Variants in DGLUCY observed in about 807,000 individuals in gnomAD.
The protein encoded by DGLUCY is D-glutamate cyclase, mitochondrial.
A neutral mutation model predicts 58.5 loss-of-function variants in DGLUCY; 58 were observed. That is an observed-to-expected ratio of 0.99 (90% confidence interval 0.80 to 1.23). The LOEUF (loss-of-function observed/expected upper bound fraction) is 1.23, where lower values mean the gene tolerates loss of function less well. Among genes scored for constraint, DGLUCY ranks in the 50% most tolerant of loss-of-function variants. The pLI is 0.00. For missense variants in DGLUCY, 779 were observed against 784.7 expected (o/e 0.99, Z 0.09); for synonymous variants, 325 against 314.1 (o/e 1.03, Z -0.37).
intron 1 of DGLUCY, among the ~76,000 whole-genome samples, chr14:91,095,095 C>G (rs2140072254): frequency 6.6e-6 from 1 of 152,208 alleles, no homozygotes; most frequent in South Asian, 2.1e-4. Context: ...ATGAGAAATT[C>G]CCCCTGCCCC....
chr14:91,189,216 T>C (rs2049715135), intron 9 of DGLUCY, 46 bp downstream of exon 9: 1 of 1,606,836 alleles, frequency 6.2e-7, no homozygotes, highest in South Asian at 1.1e-5. Context: ...ACGGGCTTTG[T>C]GGACGGAGGC....
At chr14:91,060,458 C>A in exon 1 of DGLUCY, 2 of 1,417,964 alleles carry the variant, frequency 1.4e-6, no homozygotes, top group Admixed American at 2.4e-5. Context: ...TCCGATCCCG[C>A]GGGTCGCTAC....
At chr14:91,151,133 A>G (rs1439795951) in intron 1 of DGLUCY, among the ~76,000 whole-genome samples, 1 of 152,116 alleles carries the variant, frequency 6.6e-6, no homozygotes, top group Non-Finnish European at 1.5e-5. Flanking sequence ...ATGTTGTAGC[A>G]TGCATCAGAA....
intron 1 of DGLUCY, among the ~76,000 whole-genome samples, chr14:91,064,639 AAAAAG>A (rs1418080508): frequency 1.3e-5 from 2 of 150,768 alleles, no homozygotes; most frequent in African/African-American, 2.5e-5. Flanking sequence ...AAAAAAAAAA[AAAAAG>A]AAAAGAAAAG....
intron 6 of DGLUCY, among the ~76,000 whole-genome samples, chr14:91,175,340 GT>G (rs2048797387): frequency 6.6e-6 from 1 of 152,106 alleles, no homozygotes; most frequent in African/African-American, 2.4e-5. Context: ...GAGGGTCCAA[GT>G]TTGGTATACC....
chr14:91,168,102 C>T (rs914940285), intron 4 of DGLUCY, among the ~76,000 whole-genome samples: 1 of 151,810 alleles, frequency 6.6e-6, no homozygotes, highest in South Asian at 2.1e-4. Context: ...CTGGTCTCTA[C>T]AAATTTTTTT....
chr14:91,198,477 G>A (rs1251707887), intron 10 of DGLUCY, among the ~76,000 whole-genome samples: 1 of 151,422 alleles, frequency 6.6e-6, no homozygotes, highest in African/African-American at 2.4e-5. Context: ...CCCAAGCATA[G>A]CTGGGACTAC....
At chr14:91,215,741 A>G (rs766548776) in intron 13 of DGLUCY, 185 bp downstream of exon 13, 22 of 1,475,528 alleles carry the variant, frequency 1.5e-5, no homozygotes, top group Non-Finnish European at 2.0e-5. Context: ...GCAGTTCTGA[A>G]TCGTGTGGCA....
intron 13 of DGLUCY, chr14:91,215,889 T>G: frequency 3.5e-6 from 2 of 579,672 alleles, no homozygotes; most frequent in Non-Finnish European, 5.2e-6. Context: ...TCACCCATGG[T>G]GGGTACTTCA....
At chr14:91,209,983 C>A (rs1376489112) in intron 12 of DGLUCY, among the ~76,000 whole-genome samples, 1 of 151,962 alleles carries the variant, frequency 6.6e-6, no homozygotes, top group Non-Finnish European at 1.5e-5. Flanking sequence ...GGCCAGTATT[C>A]AAATAAGACA....
At chr14:91,176,163 A>G (rs769738774) in intron 7 of DGLUCY, 107 bp downstream of exon 7, 3 of 1,380,892 alleles carry the variant, frequency 2.2e-6, no homozygotes, top group Non-Finnish European at 2.9e-6. Flanking sequence ...AAATAAAGCC[A>G]TGAAACAAAA....
Position 91,138,926 on chromosome 14 carries a change from A to G in DGLUCY, c.-81-18713A>G, listed in dbSNP as rs552867319. On this transcript the variant is annotated intron_variant, in intron 1 of 13. Transcript: ENST00000256324. Reference sequence around the variant, plus strand: ...AAGTCAGCTCCTGAGCAGGAGCTCAACAAACTTTTAGGTAAAGAACCAGAT... The same window carrying G: ...AAGTCAGCTCCTGAGCAGGAGCTCAGCAAACTTTTAGGTAAAGAACCAGAT... Among the ~76,000 whole-genome samples, 3 of 152,332 alleles carry G rather than the reference A, an allele frequency of 2.0e-5. No homozygotes were observed. The East Asian group carries it at 5.8e-4, about 29-fold the overall frequency.
chr14:91,060,731 G>T, intron 1 of DGLUCY: 1 of 278,640 alleles, frequency 3.6e-6, no homozygotes, highest in Non-Finnish European at 6.7e-6. Context: ...AGCCGCCTTC[G>T]CTGATTGGAC....
chr14:91,120,974 A>G (rs2045324135), intron 1 of DGLUCY, among the ~76,000 whole-genome samples: 1 of 152,122 alleles, frequency 6.6e-6, no homozygotes, highest in Admixed American at 6.5e-5. Context: ...CTCTTAGATG[A>G]AGCTCATACT....
At chr14:91,196,335 A>T (rs368712250) in intron 9 of DGLUCY, 40 bp from the exon 10 acceptor site, 2 of 1,570,244 alleles carry the variant, frequency 1.3e-6, no homozygotes, top group African/African-American at 1.4e-5. Context: ...AAAAGCCAAC[A>T]CTAGAGCTGA....
At chr14:91,094,196 G>A (rs1595633893) in intron 1 of DGLUCY, among the ~76,000 whole-genome samples, 2 of 152,250 alleles carry the variant, frequency 1.3e-5, no homozygotes, top group East Asian at 1.9e-4. Flanking sequence ...CAGCACTTTG[G>A]GAGGCTGAGG....
intron 13 of DGLUCY, among the ~76,000 whole-genome samples, chr14:91,222,510 G>T (rs529996020): frequency 6.6e-6 from 1 of 152,322 alleles, no homozygotes; most frequent in South Asian, 2.1e-4. Flanking sequence ...TCCTGAGAAG[G>T]AGCTGTTGGA....
chr14:91,123,133 G>A (rs1384797741), intron 1 of DGLUCY, among the ~76,000 whole-genome samples: 1 of 152,120 alleles, frequency 6.6e-6, no homozygotes, highest in Admixed American at 6.6e-5. Flanking sequence ...AGTTACTAGT[G>A]ACGGCCACCA....
chr14:91,222,109 G>A lies in DGLUCY; in HGVS notation c.1717-2575G>A, dbSNP rs147482292. ...TGTTGTCTCAGCCTGGACTGGTGCA[G>A]TGGCCTTCAGGCGCCCTGCCCTCCA... is the stretch of plus-strand genomic sequence containing the variant. On this transcript the variant is annotated intron_variant, in intron 13 of 13. Transcript: ENST00000256324. 7.5e-4 allele frequency among the ~76,000 whole-genome samples: 115 copies of A among 152,324 alleles called. No individual in the cohort carries two copies. In the East Asian group the frequency reaches 0.011, roughly 15 times the overall value.
Sources: allele counts gnomAD v4.1 joint callset (sites outside exome capture counted in the v4.1 genomes callset), GRCh38; gene constraint gnomAD v4.1.1; transcripts MANE v1.5; gene names NCBI Gene and HGNC (gene_info 2026-07-23, HGNC 2026-07-21).